CDH12: variants seen among roughly 807,000 people sequenced by gnomAD.
The protein encoded by CDH12 is cadherin-12.
In CDH12, 41 loss-of-function variants were observed where a neutral mutation model predicts 74.1. That is an observed-to-expected ratio of 0.55 (90% CI 0.43 to 0.72). The LOEUF (loss-of-function observed/expected upper bound fraction) is 0.72, where lower values mean the gene tolerates loss of function less well. Ranked by LOEUF, CDH12 falls within the 30% of genes least tolerant of loss-of-function variation. The pLI, the probability that CDH12 is intolerant of heterozygous loss-of-function variation, is 0.00. For synonymous variants in CDH12, 399 were observed against 355.0 expected, an observed-to-expected ratio of 1.12 and a Z score of -1.39; for missense variants, 945 against 977.2, an observed-to-expected ratio of 0.97 and a Z score of 0.44.
At chr5:22,689,070 G>A (rs899763689) in intron 1 of CDH12, among the ~76,000 whole-genome samples, 2 of 152,126 alleles carry the variant, frequency 1.3e-5, no homozygotes, top group Non-Finnish European at 2.9e-5. Context: ...TGTCTAAATA[G>A]CAGTATAAAA....
At chr5:22,724,278 G>C (rs1356322623) in intron 1 of CDH12, among the ~76,000 whole-genome samples, 1 of 151,554 alleles carries the variant, frequency 6.6e-6, no homozygotes, top group East Asian at 1.9e-4. Context: ...AGGTGAGTTT[G>C]TGTTAATGGG....
intron 6 of CDH12, among the ~76,000 whole-genome samples, chr5:21,868,080 T>C (rs1251615132): frequency 1.3e-5 from 2 of 152,182 alleles, no homozygotes; most frequent in Non-Finnish European, 2.9e-5. Context: ...TCTGCTGCCA[T>C]GGGAGACATG....
intron 2 of CDH12, among the ~76,000 whole-genome samples, chr5:22,449,777 C>T (rs186199349): frequency 1.3e-5 from 2 of 151,956 alleles, no homozygotes; most frequent in Admixed American, 1.3e-4. Flanking sequence ...ATGCAGTAGA[C>T]AATATGGAAT....
chr5:22,738,265 A>T (rs1304263877), intron 1 of CDH12, among the ~76,000 whole-genome samples: 2 of 152,052 alleles, frequency 1.3e-5, no homozygotes, highest in Non-Finnish European at 2.9e-5. Flanking sequence ...GTCTATGGTA[A>T]TGGTCTAATT....
intron 3 of CDH12, among the ~76,000 whole-genome samples, chr5:22,233,206 T>C (rs1422057195): frequency 6.6e-6 from 1 of 151,910 alleles, no homozygotes; most frequent in African/African-American, 2.4e-5. Flanking sequence ...ATAATCAGAA[T>C]TGCGTTGATC....
chr5:22,324,792 A>G (rs1336495278), intron 3 of CDH12, among the ~76,000 whole-genome samples: 1 of 152,182 alleles, frequency 6.6e-6, no homozygotes, highest in Non-Finnish European at 1.5e-5. Flanking sequence ...AATAGAACAC[A>G]GTAAGTTTCT....
At chr5:22,098,533 A>G (rs1370634083) in intron 4 of CDH12, among the ~76,000 whole-genome samples, 1 of 152,136 alleles carries the variant, frequency 6.6e-6, no homozygotes, top group East Asian at 1.9e-4. Context: ...AAAAATCACA[A>G]ACTATGCTCA....
At chr5:22,276,740 G>T (rs896545840) in intron 3 of CDH12, among the ~76,000 whole-genome samples, 2 of 152,048 alleles carry the variant, frequency 1.3e-5, no homozygotes, top group African/African-American at 4.8e-5. Flanking sequence ...AGGCTGGAGC[G>T]CAGTGGCGCG....
At chr5:22,350,346 T>C (rs907088633) in intron 3 of CDH12, among the ~76,000 whole-genome samples, 5 of 152,226 alleles carry the variant, frequency 3.3e-5, no homozygotes, top group Non-Finnish European at 7.4e-5. Flanking sequence ...TTTATACATA[T>C]AATTAGTTCA....
chr5:21,850,246 GT>G (rs1750390854), intron 7 of CDH12, among the ~76,000 whole-genome samples: 1 of 151,444 alleles, frequency 6.6e-6, no homozygotes. Context: ...GAGGACTAGA[GT>G]TAATAATAGT....
intron 5 of CDH12, among the ~76,000 whole-genome samples, chr5:22,020,533 G>A (rs1335773678): frequency 6.8e-6 from 1 of 147,522 alleles, no homozygotes; most frequent in Non-Finnish European, 1.5e-5. Flanking sequence ...CAGCCTGGGT[G>A]ACAAGAGTGA....
chr5:22,324,603 A>G (rs1459364305), intron 3 of CDH12, among the ~76,000 whole-genome samples: 1 of 151,668 alleles, frequency 6.6e-6, no homozygotes, highest in Non-Finnish European at 1.5e-5. Context: ...ATAACCAAAT[A>G]TTTTATTATT....
In CDH12 at chr5:22,736,727, C is replaced by A. The variant is rs184183653; in HGVS notation, c.-523+116331G>T. 1.8e-4 allele frequency among the ~76,000 whole-genome samples: 27 copies of A among 151,950 alleles called. No individual in the cohort carries two copies. In the East Asian group the frequency reaches 4.3e-3, roughly 24 times the overall value. On this transcript the variant is annotated intron_variant, in intron 1 of 14. Transcript: ENST00000382254. Reference sequence around the variant, plus strand: ...GGCTGAAAGTTTAAACACACACACACACACACAAAAAGCCTAGAAATACAG... The same window carrying A: ...GGCTGAAAGTTTAAACACACACACAAACACACAAAAAGCCTAGAAATACAG...
chr5:22,201,431 A>G (rs1350747144), intron 4 of CDH12, among the ~76,000 whole-genome samples: 1 of 152,210 alleles, frequency 6.6e-6, no homozygotes, highest in Non-Finnish European at 1.5e-5. Context: ...AAACAGACAA[A>G]TACCGCATGT....
At chr5:22,698,700 T>C (rs1195582338) in intron 1 of CDH12, among the ~76,000 whole-genome samples, 3 of 11,920 alleles carry the variant, frequency 2.5e-4, no homozygotes, top group Non-Finnish European at 4.3e-4. Context: ...TATATATATA[T>C]ATATATATAT....
At chr5:22,297,262 G>A (rs1561292312) in intron 3 of CDH12, among the ~76,000 whole-genome samples, 1 of 151,980 alleles carries the variant, frequency 6.6e-6, no homozygotes, top group Non-Finnish European at 1.5e-5. Flanking sequence ...CTCAGGTGAT[G>A]TGCCCACCTC....
At chr5:22,392,006 T>G (rs1167874400) in intron 3 of CDH12, among the ~76,000 whole-genome samples, 2 of 152,144 alleles carry the variant, frequency 1.3e-5, no homozygotes, top group African/African-American at 2.4e-5. Flanking sequence ...TGGAAAAGCT[T>G]GGGAAGAATG....
At chr5:22,014,449 C>T (rs1388695370) in intron 5 of CDH12, among the ~76,000 whole-genome samples, 1 of 151,882 alleles carries the variant, frequency 6.6e-6, no homozygotes, top group Non-Finnish European at 1.5e-5. Flanking sequence ...ATACGCATAA[C>T]TCAGATGTAT....
chr5:22,810,103 T>C (rs959653046), intron 1 of CDH12, among the ~76,000 whole-genome samples: 1 of 152,176 alleles, frequency 6.6e-6, no homozygotes, highest in South Asian at 2.1e-4. Flanking sequence ...AGGTTTCTTA[T>C]TTCCCAAATC....
Sources: gnomAD v4.1 joint callset for allele counts (sites outside exome capture counted in the v4.1 genomes callset) on GRCh38, gnomAD v4.1.1 for gene constraint, MANE v1.5 for transcripts, NCBI Gene and HGNC (gene_info 2026-07-23, HGNC 2026-07-21) for gene names.